SPAG16: variants seen among roughly 807,000 people sequenced by gnomAD.
SPAG16 encodes the protein sperm-associated antigen 16 protein.
In SPAG16, 86 loss-of-function variants were observed where a neutral mutation model predicts 80.4. The observed-to-expected ratio is 1.07, with a 90% CI of 0.90 to 1.28. SPAG16 has a LOEUF of 1.28. SPAG16 is among the 50% of genes most tolerant of loss of function. The probability of loss-of-function intolerance (pLI) is 0.00; values close to 1 mark genes in which losing one functional copy is unlikely to be tolerated. For missense variants in SPAG16, 870 were observed against 765.3 expected, an observed-to-expected ratio of 1.14 and a Z score of -1.61; for synonymous variants, 294 against 265.9, an observed-to-expected ratio of 1.11 and a Z score of -1.03.
At chr2:213,798,606 T>C (rs2071189611) in intron 10 of SPAG16, among the ~76,000 whole-genome samples, 2 of 152,146 alleles carry the variant, frequency 1.3e-5, no homozygotes, top group South Asian at 2.1e-4. Context: ...TGAAGCCTAG[T>C]GTATTGTTTA....
At chr2:214,301,112 A>G (rs1297639827) in intron 15 of SPAG16, among the ~76,000 whole-genome samples, 2 of 150,336 alleles carry the variant, frequency 1.3e-5, no homozygotes, top group East Asian at 3.9e-4. Flanking sequence ...AAGAAAATAT[A>G]TCATGATCAC....
chr2:214,245,969 A>C (rs1689814214), intron 15 of SPAG16, among the ~76,000 whole-genome samples: 1 of 152,184 alleles, frequency 6.6e-6, no homozygotes, highest in South Asian at 2.1e-4. Flanking sequence ...TAAGCCATCA[A>C]ATGTAAAGAC....
intron 13 of SPAG16, among the ~76,000 whole-genome samples, chr2:214,056,325 A>G (rs950786719): frequency 6.6e-6 from 1 of 151,776 alleles, no homozygotes; most frequent in Admixed American, 6.6e-5. Context: ...GCATAGAGAG[A>G]GAGAGAGAGG....
chr2:213,337,473 T>A (rs572354688), intron 5 of SPAG16, among the ~76,000 whole-genome samples: 1 of 152,156 alleles, frequency 6.6e-6, no homozygotes, highest in East Asian at 1.9e-4. Flanking sequence ...CTAAGAACCA[T>A]GATAAAACAT....
At chr2:213,379,840 C>A (rs1475065930) in intron 9 of SPAG16, among the ~76,000 whole-genome samples, 1 of 152,208 alleles carries the variant, frequency 6.6e-6, no homozygotes, top group African/African-American at 2.4e-5. Context: ...GCGTAACCTC[C>A]ATCCCTGCCA....
chr2:213,367,122 C>A (rs1001942847), intron 8 of SPAG16, among the ~76,000 whole-genome samples: 23 of 152,206 alleles, frequency 1.5e-4, no homozygotes, highest in Admixed American at 3.9e-4. Context: ...TGAACTCATC[C>A]TTTTTTATGG....
intron 10 of SPAG16, among the ~76,000 whole-genome samples, chr2:213,539,163 T>C (rs918683091): frequency 6.6e-6 from 1 of 152,168 alleles, no homozygotes; most frequent in African/African-American, 2.4e-5. Flanking sequence ...GAAATGCTCT[T>C]AAATATTATA....
intron 9 of SPAG16, among the ~76,000 whole-genome samples, chr2:213,404,616 C>G (rs984006018): frequency 3.9e-5 from 6 of 152,052 alleles, no homozygotes; most frequent in African/African-American, 1.4e-4. Flanking sequence ...TAGAAGAAAA[C>G]CTAGGCAATA....
At position 214,026,148 on chromosome 2, in the gene SPAG16, A is replaced by T. The variant is rs2048115544; in HGVS notation, c.1527+12071A>T. On this transcript the variant is annotated intron_variant, in intron 13 of 15. Transcript: ENST00000331683. ...TTTAGAAAAGCTAACAGCAAACCAT[A>T]CTTAGCGTTACTTTGCCTTACTGTT... Among the ~76,000 whole-genome samples, 2 of 151,480 alleles carry T rather than the reference A, an allele frequency of 1.3e-5. 1 individual carries two copies. Among genetic ancestry groups the T allele is most frequent in the East Asian group, 3.9e-4 (2 of 5,194 alleles).
chr2:213,289,805 A>G (rs1018799929), intron 1 of SPAG16, among the ~76,000 whole-genome samples: 1 of 152,216 alleles, frequency 6.6e-6, no homozygotes, highest in African/African-American at 2.4e-5. Context: ...GTAAAATATA[A>G]TTAGCTATAT....
At chr2:213,746,644 C>T (rs1575018579) in intron 10 of SPAG16, among the ~76,000 whole-genome samples, 1 of 151,932 alleles carries the variant, frequency 6.6e-6, no homozygotes, top group African/African-American at 2.4e-5. Flanking sequence ...CTGTCTCTAC[C>T]AAAAATACAA....
intron 15 of SPAG16, among the ~76,000 whole-genome samples, chr2:214,225,698 T>C (rs1216134920): frequency 2.0e-5 from 3 of 152,256 alleles, no homozygotes; most frequent in East Asian, 1.9e-4. Context: ...TCTTTGTGAT[T>C]GTTGTGTGTC....
chr2:213,480,435 A>G (rs373228739), intron 9 of SPAG16, among the ~76,000 whole-genome samples: 2 of 152,354 alleles, frequency 1.3e-5, no homozygotes, highest in East Asian at 1.9e-4. Flanking sequence ...CAGGGAAGAG[A>G]TGTCAATATC....
At chr2:214,059,218 A>AGG (rs2050117190) in intron 13 of SPAG16, among the ~76,000 whole-genome samples, 1 of 80,592 alleles carries the variant, frequency 1.2e-5, no homozygotes, top group South Asian at 5.2e-4. Flanking sequence ...ATATATATGT[A>AGG]TGTGTATATA....
chr2:213,527,763 G>T (rs560016969), intron 10 of SPAG16, among the ~76,000 whole-genome samples: 1 of 152,244 alleles, frequency 6.6e-6, no homozygotes, highest in South Asian at 2.1e-4. Context: ...TTTAAAAATA[G>T]ATCAGGAGAT....
chr2:213,938,743 TG>T (rs1231718659), intron 12 of SPAG16, among the ~76,000 whole-genome samples: 8 of 152,020 alleles, frequency 5.3e-5, no homozygotes, highest in Admixed American at 4.6e-4. Flanking sequence ...AGAAGTAAAC[TG>T]GTTACTAAAT....
chr2:214,014,181 A>C (rs2047468736), intron 13 of SPAG16, 104 bp downstream of exon 13: 3 of 1,398,974 alleles, frequency 2.1e-6, no homozygotes, highest in South Asian at 2.9e-5. Context: ...GTGCAAGGGC[A>C]TTCAGGGCAA....
chr2:213,760,286 C>T (rs541058739), intron 10 of SPAG16, among the ~76,000 whole-genome samples: 9 of 151,998 alleles, frequency 5.9e-5, no homozygotes, highest in East Asian at 3.9e-4. Flanking sequence ...ATACTGAGAA[C>T]AGACAAAATA....
intron 9 of SPAG16, among the ~76,000 whole-genome samples, chr2:213,437,388 A>T (rs563387210): frequency 6.6e-6 from 1 of 152,372 alleles, no homozygotes; most frequent in South Asian, 2.1e-4. Context: ...AACGGGTTAA[A>T]TAATGAAACG....
Sources: gnomAD v4.1 joint callset for allele counts (sites outside exome capture counted in the v4.1 genomes callset) on GRCh38, gnomAD v4.1.1 for gene constraint, MANE v1.5 for transcripts, NCBI Gene and HGNC (gene_info 2026-07-23, HGNC 2026-07-21) for gene names.